The following NCOA3 variants were observed in gnomAD, a reference collection of about 807,000 sequenced individuals.
NCOA3 encodes the protein CBP-interacting protein.
In NCOA3, 51 loss-of-function variants were observed where a neutral mutation model predicts 158.8. The ratio of observed to expected loss-of-function variants is 0.32; its 90% CI spans 0.26 to 0.41. The LOEUF is 0.41. Ranked by LOEUF, NCOA3 falls within the 10% of genes least tolerant of loss-of-function variation. The probability of loss-of-function intolerance (pLI) is 1.00; values close to 1 mark genes in which losing one functional copy is unlikely to be tolerated. For synonymous variants in NCOA3, 537 were observed against 592.4 expected (o/e 0.91, Z 1.36); for missense variants, 1,510 against 1,746.6 (o/e 0.86, Z 2.41).
chr20:47,633,685 C>A, intron 9 of NCOA3, 49 bp downstream of exon 9: 1 of 1,573,494 alleles, frequency 6.4e-7, no homozygotes, highest in Non-Finnish European at 8.6e-7. Context: ...TCTTTAGAGA[C>A]AGGGCCTTGC....
intron 2 of NCOA3, among the ~76,000 whole-genome samples, chr20:47,586,863 A>G (rs963065116): frequency 6.6e-6 from 1 of 152,216 alleles, no homozygotes; most frequent in African/African-American, 2.4e-5. Flanking sequence ...ATACTCTGAG[A>G]TGGAGTCATA....
intron 1 of NCOA3, among the ~76,000 whole-genome samples, chr20:47,505,042 G>GT (rs1235999056): frequency 2.1e-4 from 11 of 52,082 alleles, no homozygotes; most frequent in African/African-American, 3.8e-4. Flanking sequence ...GGGCAGGGGC[G>GT]TTTTTTTTTT....
rs188014631 is a variant in NCOA3, at chr20:47,651,008, C to T, written c.3678C>T (p.Val1226=). 11 of 1,613,882 alleles carry T rather than the reference C, an allele frequency of 6.8e-6. No individual in the cohort carries two copies. In the East Asian group the frequency reaches 1.6e-4, roughly 23 times the overall value. Residue 1226 remains valine, a synonymous_variant, in exon 20 of 23, where the codon GTC becomes GTT. Transcript: ENST00000371998. The stretch of plus-strand genomic sequence containing the variant: ...AGGGTTTTCTTAATGCTCAAATGGT[C>T]GCCCAACGCAGCAGAGAGCTGCTAA... ...SQQGFLNAQM[V]AQRSRELLSH... is the part of the protein sequence containing the mutation.
chr20:47,623,103 G>A (rs1356164336), intron 3 of NCOA3: 1 of 152,120 alleles, frequency 6.6e-6, no homozygotes, highest in Non-Finnish European at 1.5e-5. Context: ...TTTTTACCAA[G>A]TGAAATGAGA....
In NCOA3 at chr20:47,654,787, C is replaced by T. The variant is rs72646211; in HGVS notation, c.*1370C>T. The stretch of plus-strand genomic sequence containing the variant: ...AAAAAAAATCAGGAATTTAAAAAAA[C>T]GAGCAATTTGAAGAGAATCTTTTGG... On this transcript the variant is annotated 3_prime_UTR_variant, in exon 23 of 23. Coordinates refer to ENST00000371998, the MANE Select transcript of NCOA3 (RefSeq NM_181659.3). 2.5e-4 allele frequency: 38 copies of T among 151,724 alleles called. No homozygotes were observed. The highest frequency in any genetic ancestry group is 8.5e-4 in the African/African-American group (35 of 41,250). The allele number at this position is 151,724 out of a possible 1,614,324, so 9.4% of individuals were successfully genotyped here.
At chr20:47,596,159 C>G (rs1268353580) in intron 2 of NCOA3, among the ~76,000 whole-genome samples, 1 of 152,178 alleles carries the variant, frequency 6.6e-6, no homozygotes, top group Non-Finnish European at 1.5e-5. Flanking sequence ...CTGCTTCTAT[C>G]CTTGAAGTCA....
rs775839130 is a variant in NCOA3 at position 47,651,309 on chromosome 20, A to G, written c.3946+33A>G. On this transcript the variant is annotated intron_variant, in intron 20 of 22. Coordinates refer to ENST00000371998, the MANE Select transcript of NCOA3 (RefSeq NM_181659.3). ...TGACAATGAAAATGTGCCTTCCCCA[A>G]GTTAACATTACTAAGGACATAAGCT... The G allele has an allele frequency of 6.3e-6, 10 of 1,575,996 alleles. No homozygotes were observed. Among genetic ancestry groups the G allele is most frequent in the Non-Finnish European group, 6.9e-6 (8 of 1,157,216 alleles).
chr20:47,548,720 C>T (rs2084877108), intron 1 of NCOA3, among the ~76,000 whole-genome samples: 2 of 152,062 alleles, frequency 1.3e-5, no homozygotes, highest in African/African-American at 4.8e-5. Context: ...TATTCTGTTT[C>T]AGCAAATCAG....
chr20:47,652,597 T>TA lies in NCOA3; in HGVS notation c.4121+18dup. ...CAGGAACAGGTAAAGAACAGTGACTTATAAAGTTAGTCACATCCTAGTCCC... is the reference window on the plus strand; with the variant it reads ...CAGGAACAGGTAAAGAACAGTGACTTAATAAAGTTAGTCACATCCTAGTCCC... On this transcript the variant is annotated intron_variant, in intron 21 of 22. Coordinates refer to ENST00000371998, the MANE Select transcript of NCOA3 (RefSeq NM_181659.3). 6.3e-7 allele frequency: 1 copy of TA among 1,591,950 alleles called. No homozygotes were observed.
intron 1 of NCOA3, among the ~76,000 whole-genome samples, chr20:47,521,760 A>G (rs1381732579): frequency 6.6e-6 from 1 of 152,218 alleles, no homozygotes; most frequent in African/African-American, 2.4e-5. Flanking sequence ...TTGAAGAGAA[A>G]TTTAGAACTC....
intron 1 of NCOA3, among the ~76,000 whole-genome samples, chr20:47,523,231 C>CTA (rs1189054064): frequency 1.3e-5 from 2 of 152,138 alleles, no homozygotes; most frequent in African/African-American, 4.8e-5. Flanking sequence ...ACCCCTTTTC[C>CTA]TATAACATTA....
chr20:47,563,017 A>G (rs1025875289), intron 1 of NCOA3, among the ~76,000 whole-genome samples: 1 of 152,188 alleles, frequency 6.6e-6, no homozygotes, highest in African/African-American at 2.4e-5. Context: ...AAGTGCTAGG[A>G]TTACAGGCGT....
At chr20:47,552,667 C>T (rs990846968) in intron 1 of NCOA3, among the ~76,000 whole-genome samples, 7 of 152,098 alleles carry the variant, frequency 4.6e-5, no homozygotes, top group South Asian at 2.1e-4. Flanking sequence ...TTGTTATATA[C>T]GAACATTATA....
At chr20:47,641,448 GT>G (rs1481464898) in intron 16 of NCOA3, among the ~76,000 whole-genome samples, 1 of 129,440 alleles carries the variant, frequency 7.7e-6, no homozygotes, top group Non-Finnish European at 1.6e-5. Context: ...ACCTCCCAAA[GT>G]TCTGGGATTA....
At chr20:47,578,502 G>C (rs1161152950) in intron 1 of NCOA3, among the ~76,000 whole-genome samples, 1 of 152,134 alleles carries the variant, frequency 6.6e-6, no homozygotes, top group Non-Finnish European at 1.5e-5. Context: ...TATATAACTT[G>C]AAATGTTCAT....
intron 1 of NCOA3, among the ~76,000 whole-genome samples, chr20:47,540,558 G>A (rs1488245526): frequency 7.7e-6 from 1 of 130,258 alleles, no homozygotes; most frequent in Non-Finnish European, 1.6e-5. Context: ...GGCAACAAGA[G>A]TGAAACTCTT....
intron 1 of NCOA3, among the ~76,000 whole-genome samples, chr20:47,504,803 C>CAA (rs201464112): frequency 7.4e-5 from 9 of 121,004 alleles, no homozygotes; most frequent in Non-Finnish European, 1.2e-4. Context: ...GACTCTGTTT[C>CAA]AAAAAAAAAA....
chr20:47,569,234 C>G (rs2085251724), intron 1 of NCOA3, among the ~76,000 whole-genome samples: 1 of 152,030 alleles, frequency 6.6e-6, no homozygotes, highest in African/African-American at 2.4e-5. Context: ...GTAGTCCCAG[C>G]TACTCGGGAG....
chr20:47,645,737 G>A (rs892255595), intron 17 of NCOA3, among the ~76,000 whole-genome samples: 1 of 152,158 alleles, frequency 6.6e-6, no homozygotes, highest in African/African-American at 2.4e-5. Context: ...AGGCATGATG[G>A]TGTGTGCCTG....
Sources: gnomAD v4.1 joint callset for allele counts (sites outside exome capture counted in the v4.1 genomes callset) on GRCh38, gnomAD v4.1.1 for gene constraint, MANE v1.5 for transcripts, NCBI Gene and HGNC (gene_info 2026-07-23, HGNC 2026-07-21) for gene names.